The following AKAP13 variants were observed in gnomAD, a reference collection of about 807,000 sequenced individuals.
AKAP13 encodes the protein A-kinase anchor protein 13.
In AKAP13, 80 loss-of-function variants were observed where a neutral mutation model predicts 264.5. The ratio of observed to expected loss-of-function variants is 0.30; its 90% CI spans 0.25 to 0.36. AKAP13 has a LOEUF of 0.36. AKAP13 is among the 10% of genes least tolerant of loss of function. The pLI, the probability that AKAP13 is intolerant of heterozygous loss-of-function variation, is 1.00. For missense variants in AKAP13, 3,712 were observed against 3,435.2 expected, an observed-to-expected ratio of 1.08 and a Z score of -2.01; for synonymous variants, 1,380 against 1,250.2, an observed-to-expected ratio of 1.10 and a Z score of -2.19.
chr15:85,631,790 T>G (rs2081840446), intron 8 of AKAP13, among the ~76,000 whole-genome samples: 1 of 152,202 alleles, frequency 6.6e-6, no homozygotes, highest in African/African-American at 2.4e-5. Flanking sequence ...CTAAAGTTAT[T>G]TCTACTTTTT....
In AKAP13 at chr15:85,698,465, C is replaced by CAAAAA. The variant is rs35509705; in HGVS notation, c.5464+5027_5464+5031dup. Among the ~76,000 whole-genome samples the CAAAAA allele has an allele frequency of 4.4e-3, 458 of 103,926 alleles. 9 individuals carry two copies. Among genetic ancestry groups the CAAAAA allele is most frequent in the African/African-American group, 0.017 (432 of 25,416 alleles). 68.2% of individuals were successfully genotyped at this position (103,926 alleles called of 152,430 possible). A position where few individuals can be genotyped will look rare whatever the true frequency, so the allele number is the denominator to read the frequency against. The stretch of plus-strand genomic sequence containing the variant: ...GGGTGACAGAGCAAGACTCTGTCTC[C>CAAAAA]AAAAAAAAAAAAAAAAAGGAGAGAG... On this transcript the variant is annotated intron_variant, in intron 17 of 36. Coordinates refer to ENST00000394518, the MANE Select transcript of AKAP13 (RefSeq NM_007200.5).
intron 8 of AKAP13, among the ~76,000 whole-genome samples, chr15:85,609,166 A>G (rs566395678): frequency 3.3e-5 from 5 of 152,314 alleles, no homozygotes; most frequent in Admixed American, 3.3e-4. Context: ...TGAAATATAC[A>G]ATATATTATT....
chr15:85,457,957 T>G (rs1175015984), intron 1 of AKAP13, among the ~76,000 whole-genome samples: 5 of 151,888 alleles, frequency 3.3e-5, no homozygotes, highest in Non-Finnish European at 7.4e-5. Context: ...CTGACCAACA[T>G]GGTGAAACCC....
chr15:85,405,903 A>G (rs1435723046), intron 1 of AKAP13, among the ~76,000 whole-genome samples: 1 of 152,032 alleles, frequency 6.6e-6, no homozygotes, highest in Non-Finnish European at 1.5e-5. Context: ...CTGTTAGAGT[A>G]CACTGGTGAT....
intron 14 of AKAP13, among the ~76,000 whole-genome samples, chr15:85,678,718 A>G (rs1206590240): frequency 6.6e-6 from 1 of 151,936 alleles, no homozygotes; most frequent in East Asian, 1.9e-4. Flanking sequence ...CAAACAAACA[A>G]ATTAGCTGGG....
intron 8 of AKAP13, among the ~76,000 whole-genome samples, chr15:85,612,808 AGTGAGACCCT>A (rs2080712910): frequency 6.9e-6 from 1 of 145,898 alleles, no homozygotes; most frequent in Admixed American, 7.0e-5. Flanking sequence ...TGGGCAACAG[AGTGAGACCCT>A]GTCTCACAAA....
intron 8 of AKAP13, among the ~76,000 whole-genome samples, chr15:85,638,745 T>C (rs2082175911): frequency 6.9e-6 from 1 of 144,620 alleles, no homozygotes; most frequent in African/African-American, 2.6e-5. Context: ...GTTTATTACT[T>C]CAGCAACCCC....
intron 4 of AKAP13, among the ~76,000 whole-genome samples, chr15:85,541,216 CTAGT>C (rs1273261828): frequency 6.6e-6 from 1 of 152,118 alleles, no homozygotes; most frequent in African/African-American, 2.4e-5. Flanking sequence ...ATATTGAATG[CTAGT>C]TAATTATATG....
intron 8 of AKAP13, among the ~76,000 whole-genome samples, chr15:85,630,474 G>A (rs1044865120): frequency 4.6e-4 from 70 of 152,276 alleles, no homozygotes; most frequent in African/African-American, 1.5e-3. Flanking sequence ...AGATGCTATG[G>A]TAGGCTTATT....
intron 2 of AKAP13, among the ~76,000 whole-genome samples, chr15:85,486,178 T>G (rs2075536061): frequency 1.3e-5 from 2 of 152,136 alleles, no homozygotes; most frequent in African/African-American, 4.8e-5. Context: ...AGGACTCATC[T>G]CCCTAAAGTG....
At chr15:85,518,293 G>T (rs1199937560) in intron 2 of AKAP13, among the ~76,000 whole-genome samples, 2 of 152,140 alleles carry the variant, frequency 1.3e-5, no homozygotes, top group African/African-American at 4.8e-5. Context: ...TAGGTACCTG[G>T]TTCTACTGGA....
chr15:85,655,447 A>G lies in AKAP13; in HGVS notation c.4405A>G (p.Thr1469Ala). The G allele has an allele frequency of 6.2e-7, 1 of 1,614,002 alleles. No individual in the cohort carries two copies. The highest frequency in any genetic ancestry group is 8.5e-7 in the Non-Finnish European group (1 of 1,179,992). The change falls in exon 11 of 37, where the codon ACC (threonine) becomes GCC (alanine). Residue 1469 changes from threonine (T) to alanine (A), a missense_variant. Around this residue, in one of 3 missense-constraint regions of AKAP13, gnomAD observed 2,759 missense variants for 2,411.7 expected, o/e 1.14. Transcript: ENST00000394518. ...GGAAGAGCATTTGGCCTGTGATATC[A>G]CCGGATCCAGTTCATCCACCGATGA... Reference protein sequence around the residue: ...PEEEHLACDITGSSSSTDDTA... With the variant: ...PEEEHLACDIAGSSSSTDDTA...
intron 1 of AKAP13, among the ~76,000 whole-genome samples, chr15:85,403,977 G>A (rs2071552183): frequency 6.6e-6 from 1 of 152,162 alleles, no homozygotes. Context: ...GAGGCTTGAA[G>A]GATTGCTGCC....
chr15:85,698,644 A>G (rs886976647), intron 17 of AKAP13, among the ~76,000 whole-genome samples: 21 of 148,622 alleles, frequency 1.4e-4, no homozygotes, highest in African/African-American at 5.2e-4. Flanking sequence ...ACTGTGTTCC[A>G]ATAAAAATTT....
intron 34 of AKAP13, among the ~76,000 whole-genome samples, chr15:85,740,775 A>ACCCCCCCCCCCCCCC (rs34080252): frequency 7.4e-5 from 5 of 67,388 alleles, no homozygotes; most frequent in East Asian, 4.5e-4. Flanking sequence ...ACACACAACC[A>ACCCCCCCCCCCCCCC]CCCCCCCCCC....
intron 1 of AKAP13, among the ~76,000 whole-genome samples, chr15:85,426,511 A>G (rs1011926432): frequency 2.0e-5 from 3 of 152,004 alleles, no homozygotes; most frequent in African/African-American, 4.8e-5. Context: ...TTTTTGGGTT[A>G]TAACTGACAA....
chr15:85,712,531 A>G (rs1300389753), intron 19 of AKAP13, among the ~76,000 whole-genome samples: 1 of 149,626 alleles, frequency 6.7e-6, no homozygotes, highest in Non-Finnish European at 1.5e-5. Context: ...ATTACCTTTG[A>G]TCCCCACAAG....
At chr15:85,546,323 C>T (rs11855037) in intron 5 of AKAP13, among the ~76,000 whole-genome samples, 11,303 of 68,558 alleles carry the variant, frequency 0.16, 551 homozygotes, top group African/African-American at 0.36. Context: ...TGTTACCAAA[C>T]ACACACACAC....
chr15:85,664,798 A>AAAAT, intron 13 of AKAP13, 43 bp downstream of exon 13: 6 of 1,571,454 alleles, frequency 3.8e-6, no homozygotes, highest in Non-Finnish European at 4.3e-6. Context: ...TATATTTCAC[A>AAAAT]AAATATGAAC....
Sources: allele counts gnomAD v4.1 joint callset (sites outside exome capture counted in the v4.1 genomes callset), GRCh38; gene constraint gnomAD v4.1.1; regional missense constraint gnomAD v4.1.1; transcripts MANE v1.5; gene names NCBI Gene and HGNC (gene_info 2026-07-23, HGNC 2026-07-21).